The following CAMK1D variants were observed in gnomAD, a reference collection of about 807,000 sequenced individuals.
CAMK1D encodes calcium/calmodulin dependent protein kinase ID.
CAMK1D carries 9 observed loss-of-function variants against 47.7 expected under a neutral mutation model. The observed-to-expected ratio is 0.19, with a 90% CI of 0.11 to 0.33. The LOEUF (loss-of-function observed/expected upper bound fraction) is 0.33, where lower values mean the gene tolerates loss of function less well. Ranked by LOEUF, CAMK1D falls within the 10% of genes least tolerant of loss-of-function variation. The pLI is 1.00. For missense variants in CAMK1D, 291 were observed against 488.7 expected (o/e 0.60, Z 3.81); for synonymous variants, 184 against 184.9 (o/e 0.99, Z 0.04).
intron 1 of CAMK1D, among the ~76,000 whole-genome samples, chr10:12,525,534 A>C (rs1476174738): frequency 6.6e-6 from 1 of 152,092 alleles, no homozygotes; most frequent in Non-Finnish European, 1.5e-5. Context: ...AAAAAATTTC[A>C]ATTATTCTGT....
chr10:12,371,271 C>T (rs962935221), intron 1 of CAMK1D, among the ~76,000 whole-genome samples: 2 of 151,984 alleles, frequency 1.3e-5, no homozygotes, highest in Non-Finnish European at 2.9e-5. Context: ...TATACAGGTT[C>T]ACCATTTAAA....
At chr10:12,566,546 G>C (rs1363407284) in intron 2 of CAMK1D, among the ~76,000 whole-genome samples, 1 of 152,214 alleles carries the variant, frequency 6.6e-6, no homozygotes, top group South Asian at 2.1e-4. Flanking sequence ...ACTAGAAAAG[G>C]AACTTAGACA....
chr10:12,412,487 G>A (rs190864647), intron 1 of CAMK1D, among the ~76,000 whole-genome samples: 2 of 150,756 alleles, frequency 1.3e-5, no homozygotes, highest in African/African-American at 4.9e-5. Flanking sequence ...GCCAGGCGTG[G>A]CGGCACATGC....
At chr10:12,365,733 C>T (rs146212166) in intron 1 of CAMK1D, among the ~76,000 whole-genome samples, 22 of 152,274 alleles carry the variant, frequency 1.4e-4, no homozygotes, top group African/African-American at 4.8e-4. Flanking sequence ...CCACCACGCC[C>T]GGCCTAAAGA....
intron 2 of CAMK1D, among the ~76,000 whole-genome samples, chr10:12,623,123 T>TCCTTCTTACCTC (rs772469311): frequency 5.7e-5 from 1 of 17,606 alleles, no homozygotes; most frequent in Non-Finnish European, 1.2e-4. Context: ...CTTCCTTCTT[T>TCCTTCTTACCTC]CCTTCCTCCC....
At chr10:12,727,289 C>G (rs1834688624) in intron 3 of CAMK1D, among the ~76,000 whole-genome samples, 1 of 152,226 alleles carries the variant, frequency 6.6e-6, no homozygotes, top group Non-Finnish European at 1.5e-5. Context: ...TCAGAGACAT[C>G]AAAGCAGAAT....
At chr10:12,551,131 A>G (rs891689811) in intron 1 of CAMK1D, among the ~76,000 whole-genome samples, 18 of 152,240 alleles carry the variant, frequency 1.2e-4, no homozygotes, top group Non-Finnish European at 5.9e-5. Context: ...CCACACAGCA[A>G]GAGGTGAACA....
chr10:12,606,631 C>G (rs1410509056), intron 2 of CAMK1D, among the ~76,000 whole-genome samples: 1 of 152,158 alleles, frequency 6.6e-6, no homozygotes, highest in Non-Finnish European at 1.5e-5. Context: ...TCATTTCTCT[C>G]CTGCCGTATG....
At chr10:12,435,742 T>C (rs970351658) in intron 1 of CAMK1D, among the ~76,000 whole-genome samples, 1 of 152,068 alleles carries the variant, frequency 6.6e-6, no homozygotes, top group African/African-American at 2.4e-5. Context: ...TGGCTGGAGG[T>C]ATTTTCAGAG....
In CAMK1D at chr10:12,444,445, G is replaced by T. The variant is rs866456491; in HGVS notation, c.92+94535G>T. ...TAAAATATTTAAGGAGGTTTCTTCT[G>T]AGCCAAATATCAATGACCAAGGCCT... is the stretch of plus-strand genomic sequence containing the variant. On this transcript the variant is annotated intron_variant, in intron 1 of 10. Transcript: ENST00000619168. 6.6e-5 allele frequency among the ~76,000 whole-genome samples: 10 copies of T among 152,278 alleles called. 1 individual carries two copies. In the Middle Eastern group the frequency reaches 0.024, roughly 363 times the overall value.
chr10:12,704,977 C>G (rs915750405), intron 3 of CAMK1D, among the ~76,000 whole-genome samples: 1 of 152,154 alleles, frequency 6.6e-6, no homozygotes, highest in African/African-American at 2.4e-5. Context: ...TGGCTAGGCT[C>G]TCTTTCATAG....
At chr10:12,763,431 G>A (rs3802570) in intron 4 of CAMK1D, among the ~76,000 whole-genome samples, 45,275 of 152,070 alleles carry the variant, frequency 0.3, 7,008 homozygotes, top group Non-Finnish European at 0.35. Flanking sequence ...GTTGCCCTGA[G>A]AAGCTATTAG....
intron 1 of CAMK1D, among the ~76,000 whole-genome samples, chr10:12,489,610 C>T (rs1470384916): frequency 2.0e-5 from 3 of 152,184 alleles, no homozygotes; most frequent in Non-Finnish European, 2.9e-5. Flanking sequence ...CGCTCGTTTT[C>T]TCCCTGCTTA....
At position 12,366,021 on chromosome 10, in the gene CAMK1D, A is replaced by G. The variant is rs1837823046; in HGVS notation, c.92+16111A>G. On this transcript the variant is annotated intron_variant, in intron 1 of 10. Coordinates refer to ENST00000619168, the MANE Select transcript of CAMK1D (RefSeq NM_153498.4). Reference sequence around the variant, plus strand: ...CAGTGAGCAGAGATCGCACCAATGCACTCCAGTCTGGGTGACAGAATGAGA... The same window carrying G: ...CAGTGAGCAGAGATCGCACCAATGCGCTCCAGTCTGGGTGACAGAATGAGA... Among the ~76,000 whole-genome samples the G allele has an allele frequency of 2.0e-5, 3 of 152,210 alleles. No individual in the cohort carries two copies. In the South Asian group the frequency reaches 6.2e-4, roughly 31 times the overall value.
intron 3 of CAMK1D, among the ~76,000 whole-genome samples, chr10:12,675,755 G>A (rs1840785538): frequency 6.6e-6 from 1 of 152,112 alleles, no homozygotes; most frequent in African/African-American, 2.4e-5. Flanking sequence ...AAGTCATTAT[G>A]GTGGCCTCCA....
At chr10:12,557,271 C>T (rs770828254) in intron 2 of CAMK1D, among the ~76,000 whole-genome samples, 6 of 152,090 alleles carry the variant, frequency 3.9e-5, no homozygotes, top group Non-Finnish European at 8.8e-5. Context: ...AAGTCCTGGC[C>T]GGGTGCCACG....
chr10:12,757,717 G>A lies in CAMK1D; in HGVS notation c.300-3231G>A, dbSNP rs139611171. On this transcript the variant is annotated intron_variant, in intron 3 of 10. Transcript: ENST00000619168. Reference sequence around the variant, plus strand: ...GGACGTCTGAGATCAGGGTGCTAGTGTGGGAAGATTATAGTGAGGGCTCCA... The same window carrying A: ...GGACGTCTGAGATCAGGGTGCTAGTATGGGAAGATTATAGTGAGGGCTCCA... Among the ~76,000 whole-genome samples, 267 of 152,334 alleles carry A rather than the reference G, an allele frequency of 1.8e-3. 3 individuals carry two copies. The highest frequency in any genetic ancestry group is 6.2e-3 in the African/African-American group (258 of 41,578).
Position 12,743,355 on chromosome 10 carries a change from A to AAAAAAAAAAAAAAAAG in CAMK1D, c.300-17589_300-17588insAAAAAAAAAAAGAAAA, listed in dbSNP as rs1461631779. 1.3e-3 allele frequency among the ~76,000 whole-genome samples: 156 copies of AAAAAAAAAAAAAAAAG among 118,160 alleles called. 1 individual carries two copies. The highest frequency in any genetic ancestry group is 4.2e-3 in the African/African-American group (149 of 35,298). 77.5% of individuals were successfully genotyped at this position (118,160 alleles called of 152,430 possible). On this transcript the variant is annotated intron_variant, in intron 3 of 10. Coordinates refer to ENST00000619168, the MANE Select transcript of CAMK1D (RefSeq NM_153498.4). ...GGGTAAGACCCTGTCTCAAAAAAAA[A>AAAAAAAAAAAAAAAAG]AAAAGAAAAAAGAAAAAAAGAAAAA...
At chr10:12,546,995 C>A (rs188191359) in intron 1 of CAMK1D, among the ~76,000 whole-genome samples, 50 of 152,108 alleles carry the variant, frequency 3.3e-4, no homozygotes, top group Admixed American at 7.2e-4. Context: ...GTTAGGAGGC[C>A]ATCAAAGGAC....
Sources: gnomAD v4.1 joint callset for allele counts (sites outside exome capture counted in the v4.1 genomes callset) on GRCh38, gnomAD v4.1.1 for gene constraint, MANE v1.5 for transcripts, NCBI Gene and HGNC (gene_info 2026-07-23, HGNC 2026-07-21) for gene names.